Variants in LHX9 observed in about 807,000 individuals in gnomAD.
The protein encoded by LHX9 is LIM/homeobox protein Lhx9.
In LHX9, 9 loss-of-function variants were observed where a neutral mutation model predicts 36.5. The observed-to-expected ratio is 0.25, with a 90% CI of 0.15 to 0.43. The LOEUF is 0.43. Among genes scored for constraint, LHX9 ranks in the 20% least tolerant of loss-of-function variants. LHX9 has a pLI of 1.00. For synonymous variants in LHX9, 211 were observed against 212.1 expected, an observed-to-expected ratio of 0.99 and a Z score of 0.04; for missense variants, 464 against 526.4, an observed-to-expected ratio of 0.88 and a Z score of 1.16.
chr1:197,920,141 A>G lies in LHX9; in HGVS notation c.344A>G (p.Asp115Gly), dbSNP rs1487482119. The change falls in exon 2 of 5, where the codon GAC becomes GGC. Residue 115 changes from aspartate to glycine, a missense_variant. This residue lies in a region of LHX9 where 93 missense variants were observed against 150.3 expected (regional missense o/e 0.62). Transcript: ENST00000367387. ...TCCGAGCTCACCTGCTTTGCCAAGG[A>G]CGGTAGCATTTACTGCAAGGAGGAT... ...LESELTCFAK[D>G]GSIYCKEDYY... The G allele has an allele frequency of 6.2e-7, 1 of 1,614,196 alleles. No homozygotes were observed. Among genetic ancestry groups the G allele is most frequent in the Admixed American group, 1.7e-5 (1 of 60,036 alleles).
At chr1:197,916,513 G>C, upstream of LHX9, 2 of 603,642 alleles carry the variant, frequency 3.3e-6, no homozygotes, top group South Asian at 4.0e-5. Flanking sequence ...CTTCAAATGA[G>C]ACATTAGAAT....
intron 3 of LHX9, among the ~76,000 whole-genome samples, chr1:197,927,101 G>C (rs988265449): frequency 2.0e-5 from 3 of 152,170 alleles, no homozygotes; most frequent in Non-Finnish European, 4.4e-5. Context: ...AGACTTGAGG[G>C]AGTAGTAATA....
chr1:197,925,734 G>A (rs1660123712), intron 3 of LHX9, among the ~76,000 whole-genome samples: 1 of 152,126 alleles, frequency 6.6e-6, no homozygotes, highest in South Asian at 2.1e-4. Context: ...TGTTATCTCT[G>A]GACATATGGT....
chr1:197,919,779 ACAC>A (rs751055145), intron 1 of LHX9, among the ~76,000 whole-genome samples, 190 bp from the exon 2 acceptor site: 4 of 152,264 alleles, frequency 2.6e-5, no homozygotes, highest in Non-Finnish European at 5.9e-5. Context: ...GTTCAGGCAG[ACAC>A]GGAAGAAAGC....
upstream of LHX9, among the ~76,000 whole-genome samples, chr1:197,913,743 G>A (rs1012508716): frequency 7.2e-5 from 11 of 152,292 alleles, no homozygotes; most frequent in East Asian, 2.1e-3. Context: ...CTTTCAAACC[G>A]AAGGGGCTCC....
In LHX9 at chr1:197,929,777, A is replaced by G. The variant is rs949219158; in HGVS notation, c.*518A>G. 29 of 945,668 alleles carry G rather than the reference A, an allele frequency of 3.1e-5. No individual in the cohort carries two copies. The highest frequency in any genetic ancestry group is 3.5e-5 in the Non-Finnish European group (28 of 793,718). The allele number at this position is 945,668 out of a possible 1,614,324, so 58.6% of individuals were successfully genotyped here. On this transcript the variant is annotated 3_prime_UTR_variant, in exon 5 of 5. Coordinates refer to ENST00000367387, the MANE Select transcript of LHX9 (RefSeq NM_020204.3). ...CTGAAAACTTGTTTTTAGTATTTCT[A>G]TTTCTTACCTGAACTGTTAATTCAA...
intron 3 of LHX9, among the ~76,000 whole-genome samples, chr1:197,922,490 G>A (rs1660023091): frequency 6.6e-6 from 1 of 152,198 alleles, no homozygotes; most frequent in African/African-American, 2.4e-5. Flanking sequence ...ACATGCAGCA[G>A]TTTCCCATTG....
At position 197,921,137 on chromosome 1, in the gene LHX9, A is replaced by G. The variant is rs1017648602; in HGVS notation, c.378-167A>G. Among the ~76,000 whole-genome samples the G allele has an allele frequency of 2.0e-5, 3 of 152,078 alleles. No individual in the cohort carries two copies. Among genetic ancestry groups the G allele is most frequent in the African/African-American group, 7.2e-5 (3 of 41,402 alleles). On this transcript the variant is annotated intron_variant, in intron 2 of 4. Coordinates refer to ENST00000367387, the MANE Select transcript of LHX9 (RefSeq NM_020204.3). The surrounding 1 kb of genome is among the most constrained non-coding windows in gnomAD (Gnocchi z 4.6). The stretch of plus-strand genomic sequence containing the variant: ...ATGTAAAGATCCTTTGTCTTGGTTT[A>G]TCAGAAAAGGTCGATGAGCAAATAA...
chr1:197,924,364 A>C (rs1393402006), intron 3 of LHX9, among the ~76,000 whole-genome samples: 2 of 152,252 alleles, frequency 1.3e-5, no homozygotes, highest in Admixed American at 1.3e-4. Flanking sequence ...GATTCAAAGA[A>C]TCTCAGAGAA....
In LHX9 at chr1:197,927,876, C is replaced by A. The variant is rs925572339; in HGVS notation, c.936+83C>A. ...TAGTGCTCTTCCCTGGTTAGAGTGACGCAGATATTTCCTATATTGCTTCTT... is the reference window on the plus strand; with the variant it reads ...TAGTGCTCTTCCCTGGTTAGAGTGAAGCAGATATTTCCTATATTGCTTCTT... On this transcript the variant is annotated intron_variant, in intron 4 of 4. Transcript: ENST00000367387. 59 of 1,227,198 alleles carry A rather than the reference C, an allele frequency of 4.8e-5. No homozygotes were observed. The African/African-American group carries it at 7.6e-4, about 16-fold the overall frequency. The allele number at this position is 1,227,198 out of a possible 1,614,324, so 76.0% of individuals were successfully genotyped here. A position where few individuals can be genotyped will look rare whatever the true frequency, so the allele number is the denominator to read the frequency against.
At chr1:197,919,907 A>G in intron 1 of LHX9, 65 bp from the exon 2 acceptor site, 2 of 1,553,366 alleles carry the variant, frequency 1.3e-6, no homozygotes, top group Non-Finnish European at 1.8e-6. Flanking sequence ...TGCCTGGGGG[A>G]GAACCCCGCG....
rs1313421835 is a variant in LHX9 at position 197,924,901 on chromosome 1, A to C, written c.734-2690A>C. Among the ~76,000 whole-genome samples the C allele has an allele frequency of 2.1e-4, 9 of 43,722 alleles. 2 individuals carry two copies. Among genetic ancestry groups the C allele is most frequent in the Non-Finnish European group, 2.5e-4 (6 of 23,944 alleles). The allele number at this position is 43,722 out of a possible 152,430, so 28.7% of individuals were successfully genotyped here. A position where few individuals can be genotyped will look rare whatever the true frequency, so the allele number is the denominator to read the frequency against. On this transcript the variant is annotated intron_variant, in intron 3 of 4. Coordinates refer to ENST00000367387, the MANE Select transcript of LHX9 (RefSeq NM_020204.3). ...GTTTTAAGAGTTATCATTTCATCTC[A>C]TAATTCGGGGAGTGGGGGAATCCCC...
In LHX9 at chr1:197,925,885, T is replaced by A. The variant is rs201326353; in HGVS notation, c.734-1706T>A. On this transcript the variant is annotated intron_variant, in intron 3 of 4. Coordinates refer to ENST00000367387, the MANE Select transcript of LHX9 (RefSeq NM_020204.3). ...ATGAACAAAGGGCCCAACATCTTGA[T>A]TGAATGCTTCTTGAGCTCCTACCCC... 2.6e-5 allele frequency among the ~76,000 whole-genome samples: 4 copies of A among 152,364 alleles called. No individual in the cohort carries two copies. The East Asian group carries it at 7.7e-4, about 29-fold the overall frequency.
At position 197,917,791 on chromosome 1, in the gene LHX9, C is replaced by T. The variant is rs1292919094; in HGVS notation, c.-33C>T. 2 of 1,614,050 alleles carry T rather than the reference C, an allele frequency of 1.2e-6. No homozygotes were observed. Among genetic ancestry groups the T allele is most frequent in the Non-Finnish European group, 8.5e-7 (1 of 1,179,926 alleles). On this transcript the variant is annotated 5_prime_UTR_variant, in exon 1 of 5. Coordinates refer to ENST00000367387, the MANE Select transcript of LHX9 (RefSeq NM_020204.3). ...CCTCTCTGGTCCCTTGCCTCCTTCA[C>T]TCGGATGAGCTGAAAGCCCCGGGCG...
At chr1:197,912,624 AGT>A, upstream of LHX9, 1 of 1,513,650 alleles carries the variant, frequency 6.6e-7, no homozygotes, top group Middle Eastern at 1.7e-4. Flanking sequence ...ATACCATGTG[AGT>A]GTGTGTGCGT....
At chr1:197,914,043 T>C (rs918314734), upstream of LHX9, among the ~76,000 whole-genome samples, 7 of 152,174 alleles carry the variant, frequency 4.6e-5, no homozygotes, top group African/African-American at 9.7e-5. Flanking sequence ...TTGACCTTCA[T>C]AGAGATTCTA....
At position 197,930,856 on chromosome 1, in the gene LHX9, A is replaced by G. The variant is rs1318847484; in HGVS notation, c.*1597A>G. 6.6e-6 allele frequency: 1 copy of G among 152,036 alleles called. No individual in the cohort carries two copies. Among genetic ancestry groups the G allele is most frequent in the East Asian group, 1.9e-4 (1 of 5,200 alleles). The allele number at this position is 152,036 out of a possible 1,614,324, so 9.4% of individuals were successfully genotyped here. On this transcript the variant is annotated 3_prime_UTR_variant, in exon 5 of 5. Transcript: ENST00000367387. ...CATTATATATTTAGCAAGTATGGTT[A>G]TCATCTTATATGGAGCTTAAATCTT...
At chr1:197,924,238 A>G (rs997337016) in intron 3 of LHX9, among the ~76,000 whole-genome samples, 1 of 152,258 alleles carries the variant, frequency 6.6e-6, no homozygotes, top group African/African-American at 2.4e-5. Context: ...TTGTCTTGCT[A>G]TCTTTCATTA....
At chr1:197,915,051 A>C (rs1197882813), upstream of LHX9, among the ~76,000 whole-genome samples, 1 of 152,180 alleles carries the variant, frequency 6.6e-6, no homozygotes, top group South Asian at 2.1e-4. Context: ...CTTTCCCTGC[A>C]TGCAGTCTCC....
Sources: gnomAD v4.1 joint callset for allele counts (sites outside exome capture counted in the v4.1 genomes callset) on GRCh38, gnomAD v4.1.1 for gene constraint, gnomAD v4.1.1 regional missense constraint, Gnocchi (gnomAD v3.1) non-coding constraint, MANE v1.5 for transcripts, NCBI Gene and HGNC (gene_info 2026-07-23, HGNC 2026-07-21) for gene names.